The following MEMO1 variants were observed in gnomAD, a reference collection of about 807,000 sequenced individuals.
MEMO1 encodes the protein mediator of cell motility 1, also known as protein MEMO1.
A neutral mutation model predicts 45.2 loss-of-function variants in MEMO1; 6 were observed. The ratio of observed to expected loss-of-function variants is 0.13; its 90% CI spans 0.07 to 0.26. MEMO1 has a LOEUF of 0.26. MEMO1 is among the 10% of genes least tolerant of loss of function. The probability of loss-of-function intolerance (pLI) is 1.00; values close to 1 mark genes in which losing one functional copy is unlikely to be tolerated. For synonymous variants in MEMO1, 78 were observed against 124.3 expected, an observed-to-expected ratio of 0.63 and a Z score of 2.48; for missense variants, 184 against 370.5, an observed-to-expected ratio of 0.50 and a Z score of 4.13.
intron 3 of MEMO1, among the ~76,000 whole-genome samples, chr2:31,934,530 AAAT>A (rs1455185792): frequency 1.3e-5 from 2 of 152,136 alleles, no homozygotes; most frequent in Non-Finnish European, 2.9e-5. Context: ...GCTAGGACAG[AAAT>A]AATAAGAGTA....
rs1682642807 is a variant in MEMO1 at position 31,923,528 on chromosome 2, C to T, written c.213-2618G>A. On this transcript the variant is annotated intron_variant, in intron 4 of 9. Coordinates refer to ENST00000404530, the MANE Select transcript of MEMO1 (RefSeq NM_001301833.4). Reference sequence around the variant, plus strand: ...GCACTCTGGTCACCTATCTTAATAGCACATAAATAACATGACACTTTGTTT... The same window carrying T: ...GCACTCTGGTCACCTATCTTAATAGTACATAAATAACATGACACTTTGTTT... 27 of 1,203,152 alleles carry T rather than the reference C, an allele frequency of 2.2e-5. No homozygotes were observed. In the Admixed American group the frequency reaches 9.9e-4, roughly 44 times the overall value. 74.5% of individuals were successfully genotyped at this position (1,203,152 alleles called of 1,614,324 possible).
At chr2:31,899,557 G>A (rs1228955124) in intron 6 of MEMO1, among the ~76,000 whole-genome samples, 1 of 152,106 alleles carries the variant, frequency 6.6e-6, no homozygotes, top group African/African-American at 2.4e-5. Flanking sequence ...AAACTTAAAC[G>A]TAAGACCTAA....
At chr2:31,949,643 A>AG (rs71407404) in intron 2 of MEMO1, among the ~76,000 whole-genome samples, 2 of 4,272 alleles carry the variant, frequency 4.7e-4, no homozygotes, top group Non-Finnish European at 1.9e-3. Flanking sequence ...TAATGGGTAC[A>AG]AAAAAAAAAA....
chr2:31,891,154 G>C (rs1003328008), intron 7 of MEMO1, among the ~76,000 whole-genome samples: 1 of 151,994 alleles, frequency 6.6e-6, no homozygotes, highest in African/African-American at 2.4e-5. Context: ...TAAAAATTAT[G>C]GTCTTACATT....
chr2:31,961,838 T>C (rs1668041544), intron 2 of MEMO1, among the ~76,000 whole-genome samples: 1 of 152,106 alleles, frequency 6.6e-6, no homozygotes, highest in African/African-American at 2.4e-5. Context: ...AGTTATTATC[T>C]GTAGTTTATA....
chr2:31,921,680 T>C (rs1682326794), intron 4 of MEMO1, among the ~76,000 whole-genome samples: 1 of 152,208 alleles, frequency 6.6e-6, no homozygotes, highest in East Asian at 1.9e-4. Flanking sequence ...AGCATAAAAT[T>C]CTAAATATCT....
chr2:31,923,580 G>C (rs1276821369), intron 4 of MEMO1: 2 of 1,482,398 alleles, frequency 1.3e-6, no homozygotes, highest in East Asian at 5.1e-5. Context: ...GTGGGCTATA[G>C]AGAATGGTAA....
intron 2 of MEMO1, among the ~76,000 whole-genome samples, chr2:31,993,949 CTTTTTTTTTTTTTTTTT>C (rs397800267): frequency 2.7e-5 from 2 of 73,556 alleles, no homozygotes; most frequent in African/African-American, 9.8e-5. Context: ...TCAATACTTT[CTTTTTTTTTTTTTTTTT>C]TTTTTTTTTT....
rs546354016 is a variant in MEMO1 at position 31,917,832 on chromosome 2, T to G, written c.437+94A>C. On this transcript the variant is annotated intron_variant, in intron 6 of 9. Transcript: ENST00000404530. ...TTTTTTATCTCACATCTTAATCTCC[T>G]TACCCTGATAATTACTAGGATTTAC... 115 of 774,806 alleles carry G rather than the reference T, an allele frequency of 1.5e-4. 1 individual carries two copies. Among genetic ancestry groups the G allele is most frequent in the Non-Finnish European group, 2.1e-4 (107 of 513,292 alleles). 48.0% of individuals were successfully genotyped at this position (774,806 alleles called of 1,614,324 possible).
chr2:31,927,932 T>C (rs1192230029), intron 4 of MEMO1, among the ~76,000 whole-genome samples: 1 of 152,228 alleles, frequency 6.6e-6, no homozygotes, highest in African/African-American at 2.4e-5. Context: ...AAGATATCTA[T>C]ATTCATTATC....
chr2:31,905,612 A>C (rs906011381), intron 6 of MEMO1, among the ~76,000 whole-genome samples: 1 of 152,224 alleles, frequency 6.6e-6, no homozygotes, highest in African/African-American at 2.4e-5. Flanking sequence ...AAATTCCTGC[A>C]TGTTTTTAAA....
chr2:32,007,672 C>A (rs913355761), intron 2 of MEMO1, among the ~76,000 whole-genome samples: 6 of 152,158 alleles, frequency 3.9e-5, no homozygotes, highest in Non-Finnish European at 7.4e-5. Flanking sequence ...GAATGACAAT[C>A]CACAAACACC....
chr2:31,947,642 C>A (rs3795922), intron 2 of MEMO1, among the ~76,000 whole-genome samples: 22,242 of 152,028 alleles, frequency 0.15, 1,848 homozygotes, highest in African/African-American at 0.22. Flanking sequence ...TTTTTGGATA[C>A]AACAGTAAAA....
At chr2:31,958,641 T>C (rs974953606) in intron 2 of MEMO1, among the ~76,000 whole-genome samples, 2 of 151,984 alleles carry the variant, frequency 1.3e-5, no homozygotes, top group African/African-American at 4.8e-5. Flanking sequence ...TGGTGTTTTG[T>C]TTTGTTTTGT....
intron 4 of MEMO1, chr2:31,923,823 G>C (rs966206186): frequency 1.4e-6 from 2 of 1,397,738 alleles, no homozygotes; most frequent in African/African-American, 3.0e-5. Context: ...AGTGTAATAA[G>C]GTTCTAACAA....
chr2:31,981,378 T>C lies in MEMO1; in HGVS notation c.61+28809A>G, dbSNP rs1670621058. ...TTACCTTCCCATAATAAATCTCCACTACTTAAGGTAACTTAAACCTATCTC... is the reference window on the plus strand; with the variant it reads ...TTACCTTCCCATAATAAATCTCCACCACTTAAGGTAACTTAAACCTATCTC... On this transcript the variant is annotated intron_variant, in intron 2 of 9. Transcript: ENST00000404530. 2.0e-5 allele frequency among the ~76,000 whole-genome samples: 3 copies of C among 152,234 alleles called. No homozygotes were observed. The South Asian group carries it at 6.2e-4, about 31-fold the overall frequency.
chr2:31,954,375 G>A (rs571868446), intron 2 of MEMO1, among the ~76,000 whole-genome samples: 11 of 152,130 alleles, frequency 7.2e-5, no homozygotes, highest in Non-Finnish European at 1.5e-4. Context: ...CTTGAAGCCA[G>A]AAGTTCGTGA....
intron 8 of MEMO1, among the ~76,000 whole-genome samples, chr2:31,875,582 C>T: frequency 6.6e-6 from 1 of 152,128 alleles, no homozygotes; most frequent in South Asian, 2.1e-4. Context: ...CTGAAAAGAT[C>T]TGACCTCCAT....
intron 8 of MEMO1, among the ~76,000 whole-genome samples, chr2:31,875,132 TC>T (rs1265812707): frequency 1.3e-5 from 2 of 151,978 alleles, no homozygotes; most frequent in Admixed American, 6.6e-5. Flanking sequence ...AGAAATAAAC[TC>T]CAAGTCCAAA....
Sources: allele counts gnomAD v4.1 joint callset (sites outside exome capture counted in the v4.1 genomes callset), GRCh38; gene constraint gnomAD v4.1.1; transcripts MANE v1.5; gene names NCBI Gene and HGNC (gene_info 2026-07-23, HGNC 2026-07-21).